Variants in TTC39A observed in about 807,000 individuals in gnomAD.
TTC39A encodes tetratricopeptide repeat domain 39A, also known as tetratricopeptide repeat protein 39A.
TTC39A carries 46 observed loss-of-function variants against 82.3 expected under a neutral mutation model. The ratio of observed to expected loss-of-function variants is 0.56; its 90% CI spans 0.44 to 0.71. The LOEUF is 0.71. Among genes scored for constraint, TTC39A ranks in the 30% least tolerant of loss-of-function variants. The pLI is 0.00. For synonymous variants in TTC39A, 254 were observed against 275.2 expected (o/e 0.92, Z 0.76); for missense variants, 543 against 712.9 (o/e 0.76, Z 2.71).
intron 1 of TTC39A, among the ~76,000 whole-genome samples, chr1:51,340,923 A>G (rs897924548): frequency 6.6e-6 from 1 of 152,106 alleles, no homozygotes; most frequent in South Asian, 2.1e-4. Flanking sequence ...TATAATCCCA[A>G]CACTTTGGGA....
rs74080541 is a variant in TTC39A at position 51,336,427 on chromosome 1, C to T, written c.53+8564G>A. 8.1e-3 allele frequency among the ~76,000 whole-genome samples: 1,239 copies of T among 152,220 alleles called. 14 individuals carry two copies. Among genetic ancestry groups the T allele is most frequent in the African/African-American group, 0.029 (1,189 of 41,518 alleles). On this transcript the variant is annotated intron_variant, in intron 1 of 5. Transcript: ENST00000401051. Reference sequence around the variant, plus strand: ...GCCAAGAACTCATGGGCCCTCCCTGCTCTGAGGGTCTCTGTTCTAGGATCT... The same window carrying T: ...GCCAAGAACTCATGGGCCCTCCCTGTTCTGAGGGTCTCTGTTCTAGGATCT...
At position 51,321,809 on chromosome 1, in the gene TTC39A, G is replaced by A. The variant is rs1444790872; in HGVS notation, c.58C>T (p.Leu20Phe). 6.2e-7 allele frequency: 1 copy of A among 1,613,678 alleles called. No individual in the cohort carries two copies. The change falls in exon 2 of 18, where the codon CTC becomes TTC. Residue 20 changes from leucine to phenylalanine, a missense_variant. Transcript: ENST00000680483. This position sits in a 1 kb window ranked among gnomAD's most constrained non-coding sequence, Gnocchi z 4.6. ...ALPAGTPESS[L>F]HEALDQCMTA... ...ATGCACTGGTCCAGGGCCTCATGGAGGCTGCTCTCAGGAGTCCTGGGGGAA... is the reference window on the plus strand; with the variant it reads ...ATGCACTGGTCCAGGGCCTCATGGAAGCTGCTCTCAGGAGTCCTGGGGGAA...
intron 2 of TTC39A, among the ~76,000 whole-genome samples, chr1:51,315,912 C>T (rs944492232): frequency 3.9e-5 from 6 of 152,208 alleles, no homozygotes; most frequent in Non-Finnish European, 8.8e-5. Context: ...TGCACAGGGC[C>T]TGTGCCTAAA....
At chr1:51,302,996 G>T in intron 9 of TTC39A, 88 bp downstream of exon 9, 1 of 1,210,628 alleles carries the variant, frequency 8.3e-7, no homozygotes, top group Non-Finnish European at 1.2e-6. Context: ...CCTAGCCACA[G>T]GGCATGAACA....
chr1:51,303,750 C>T (rs919625572), intron 8 of TTC39A, among the ~76,000 whole-genome samples: 1 of 152,214 alleles, frequency 6.6e-6, no homozygotes, highest in African/African-American at 2.4e-5. Context: ...TGCCTCAAAC[C>T]CTCCATGGCT....
intron 2 of TTC39A, among the ~76,000 whole-genome samples, chr1:51,319,440 G>C (rs763185916): frequency 1.2e-4 from 19 of 152,164 alleles, no homozygotes; most frequent in Admixed American, 3.9e-4. Flanking sequence ...TCGTACAAGA[G>C]CACTTCCCAG....
intron 2 of TTC39A, among the ~76,000 whole-genome samples, chr1:51,318,115 G>C (rs571316633): frequency 1.3e-5 from 2 of 152,334 alleles, no homozygotes; most frequent in East Asian, 3.9e-4. Flanking sequence ...GTTTAGAGTA[G>C]GCTGAGGCAT....
chr1:51,302,694 T>C, intron 9 of TTC39A, 121 bp from the exon 10 acceptor site: 5 of 1,068,430 alleles, frequency 4.7e-6, no homozygotes, highest in Non-Finnish European at 7.0e-6. Context: ...ATCGAGATAA[T>C]TCTCCCTGTC....
At chr1:51,317,746 T>A (rs998163035) in intron 2 of TTC39A, among the ~76,000 whole-genome samples, 1 of 152,026 alleles carries the variant, frequency 6.6e-6, no homozygotes, top group Admixed American at 6.5e-5. Flanking sequence ...CAACACTCTG[T>A]CTCAAAAACA....
chr1:51,343,260 A>G (rs1646058790), intron 1 of TTC39A, among the ~76,000 whole-genome samples: 1 of 152,244 alleles, frequency 6.6e-6, no homozygotes, highest in Non-Finnish European at 1.5e-5. Context: ...AGGAGGTGAC[A>G]GTGATCCAGC....
chr1:51,341,017 C>A (rs1176060093), intron 1 of TTC39A, among the ~76,000 whole-genome samples: 1 of 152,054 alleles, frequency 6.6e-6, no homozygotes, highest in Non-Finnish European at 1.5e-5. Flanking sequence ...ACTAAAAATA[C>A]AAAATTAGCT....
At chr1:51,344,883 C>T in intron 1 of TTC39A, 1 of 1,377,842 alleles carries the variant, frequency 7.3e-7, no homozygotes, top group Non-Finnish European at 9.7e-7. Flanking sequence ...GCCACACACC[C>T]TTTCCCCAGC....
chr1:51,340,760 A>G (rs1227219674), intron 1 of TTC39A, among the ~76,000 whole-genome samples: 1 of 152,168 alleles, frequency 6.6e-6, no homozygotes, highest in Non-Finnish European at 1.5e-5. Flanking sequence ...TCCTCACAAC[A>G]ATCCTGGGAG....
chr1:51,324,874 C>T (rs1645654756), intron 1 of TTC39A, among the ~76,000 whole-genome samples: 1 of 152,120 alleles, frequency 6.6e-6, no homozygotes, highest in Non-Finnish European at 1.5e-5. Context: ...CTCATCCCCA[C>T]CTCTAGGTAG....
At chr1:51,324,210 G>A (rs1645629655) in intron 1 of TTC39A, among the ~76,000 whole-genome samples, 2 of 152,238 alleles carry the variant, frequency 1.3e-5, no homozygotes, top group South Asian at 4.2e-4. Context: ...TGCTGGTGGG[G>A]GCGGACCTTT....
chr1:51,340,062 A>G (rs939930347), intron 1 of TTC39A, among the ~76,000 whole-genome samples: 4 of 152,324 alleles, frequency 2.6e-5, no homozygotes, highest in Admixed American at 2.6e-4. Flanking sequence ...GGCACCATCT[A>G]TAAGCCAGAA....
At chr1:51,322,293 G>A in intron 1 of TTC39A, 1 of 1,431,640 alleles carries the variant, frequency 7.0e-7, no homozygotes, top group Non-Finnish European at 9.2e-7. Flanking sequence ...TGTCACAATG[G>A]GCTGTCACAC....
chr1:51,330,305 C>G lies in TTC39A; in HGVS notation c.41+132G>C, dbSNP rs918537814. The G allele has an allele frequency of 2.2e-6, 2 of 927,696 alleles. No individual in the cohort carries two copies. The highest frequency in any genetic ancestry group is 1.3e-6 in the Non-Finnish European group (1 of 778,452). 57.5% of individuals were successfully genotyped at this position (927,696 alleles called of 1,614,324 possible). On this transcript the variant is annotated intron_variant, in intron 1 of 17. Coordinates refer to ENST00000680483, the MANE Select transcript of TTC39A (RefSeq NM_001297663.2). This position sits in a 1 kb window ranked among gnomAD's most constrained non-coding sequence, Gnocchi z 4.5. ...GCGGCGGCGGCTGCCAGGGGCCGGG[C>G]GGGGTGGGGGCTGGAAGCCGCAGTG...
intron 1 of TTC39A, among the ~76,000 whole-genome samples, chr1:51,337,997 C>T (rs1196150544): frequency 6.6e-6 from 1 of 152,150 alleles, no homozygotes; most frequent in Non-Finnish European, 1.5e-5. Context: ...TGCCCAGCTT[C>T]AGGAATTTGT....
Sources: allele counts gnomAD v4.1 joint callset (sites outside exome capture counted in the v4.1 genomes callset), GRCh38; gene constraint gnomAD v4.1.1; non-coding constraint Gnocchi (gnomAD v3.1); transcripts MANE v1.5; gene names NCBI Gene and HGNC (gene_info 2026-07-23, HGNC 2026-07-21).